Variants in UGP2 observed in about 807,000 individuals in gnomAD.
UGP2 encodes UTP--glucose-1-phosphate uridylyltransferase.
UGP2 carries 40 observed loss-of-function variants against 49.0 expected under a neutral mutation model. The observed-to-expected ratio is 0.82, with a 90% CI of 0.63 to 1.06. The LOEUF is 1.06. Among genes scored for constraint, UGP2 ranks in the 50% least tolerant of loss-of-function variants. UGP2 has a pLI of 0.00. For synonymous variants in UGP2, 225 were observed against 213.0 expected (o/e 1.06, Z -0.49); for missense variants, 460 against 603.5 (o/e 0.76, Z 2.49).
chr2:63,854,087 G>A (rs182196593), intron 1 of UGP2, among the ~76,000 whole-genome samples: 1 of 152,304 alleles, frequency 6.6e-6, no homozygotes, highest in East Asian at 1.9e-4. Context: ...AGGTATTTCT[G>A]CCTCACTGTG....
At chr2:63,873,151 C>G (rs1378265730) in intron 3 of UGP2, among the ~76,000 whole-genome samples, 1 of 152,188 alleles carries the variant, frequency 6.6e-6, no homozygotes, top group East Asian at 1.9e-4. Context: ...CTGCATACAA[C>G]TAACAGAACA....
rs1269158844 is a variant in UGP2 at position 63,888,064 on chromosome 2, G to A, written c.1314+420G>A. On this transcript the variant is annotated intron_variant, in intron 8 of 9. Coordinates refer to ENST00000337130, the MANE Select transcript of UGP2 (RefSeq NM_006759.4). ...ATTGACATTCTAGTGGGGAAAGGATGATAAGTAAGTAAATGTATGATATAC... is the reference window on the plus strand; with the variant it reads ...ATTGACATTCTAGTGGGGAAAGGATAATAAGTAAGTAAATGTATGATATAC... 1.8e-5 allele frequency: 3 copies of A among 163,324 alleles called. No individual in the cohort carries two copies. In the South Asian group the frequency reaches 4.8e-4, roughly 26 times the overall value. The allele number at this position is 163,324 out of a possible 1,614,324, so 10.1% of individuals were successfully genotyped here.
At chr2:63,884,158 T>C (rs996594988) in intron 5 of UGP2, 65 bp downstream of exon 5, 3 of 1,579,372 alleles carry the variant, frequency 1.9e-6, no homozygotes, top group Admixed American at 3.6e-5. Flanking sequence ...TTATCTTGTT[T>C]ATAACAGAGC....
chr2:63,861,549 A>G (rs932275300), intron 3 of UGP2, among the ~76,000 whole-genome samples: 1 of 151,438 alleles, frequency 6.6e-6, no homozygotes, highest in African/African-American at 2.4e-5. Flanking sequence ...TTAGCTGTGC[A>G]TGGTGGCATC....
At chr2:63,876,674 G>GC (rs1250258445) in intron 3 of UGP2, among the ~76,000 whole-genome samples, 1 of 152,174 alleles carries the variant, frequency 6.6e-6, no homozygotes, top group Non-Finnish European at 1.5e-5. Context: ...GCGGCTTTCT[G>GC]CCCCCTTAAC....
rs148803917 is a variant in UGP2 at position 63,857,737 on chromosome 2, G to T, written c.148-92G>T. On this transcript the variant is annotated intron_variant, in intron 2 of 9. Transcript: ENST00000337130. ...TAATGGTGTAAGAATTTCATTTAAC[G>T]ATATTTTAAATGTGTAACTTGTATC... The T allele has an allele frequency of 6.6e-4, 832 of 1,263,754 alleles. 12 individuals carry two copies. In the African/African-American group the frequency reaches 0.011, roughly 17 times the overall value. 78.3% of individuals were successfully genotyped at this position (1,263,754 alleles called of 1,614,324 possible).
intron 1 of UGP2, among the ~76,000 whole-genome samples, chr2:63,845,697 C>A (rs941232430): frequency 1.3e-5 from 2 of 152,094 alleles, no homozygotes; most frequent in African/African-American, 4.8e-5. Context: ...ATTAGGATTT[C>A]TGGCATATCC....
chr2:63,875,793 C>G (rs539181377), intron 3 of UGP2, among the ~76,000 whole-genome samples: 6 of 152,294 alleles, frequency 3.9e-5, no homozygotes, highest in African/African-American at 1.4e-4. Context: ...TATGGAGTTT[C>G]CCTCCTGTCT....
intron 3 of UGP2, among the ~76,000 whole-genome samples, chr2:63,875,233 A>G (rs1355415388): frequency 2.0e-5 from 3 of 152,214 alleles, no homozygotes; most frequent in Admixed American, 2.0e-4. Context: ...ATGGAGTGGC[A>G]TTCCTAATTC....
At chr2:63,887,891 T>G in intron 8 of UGP2, 1 of 472,818 alleles carries the variant, frequency 2.1e-6, no homozygotes, top group South Asian at 2.5e-5. Context: ...CTTCTGTCTC[T>G]TCCAAGACCA....
chr2:63,865,736 G>T (rs1356346866), intron 3 of UGP2, among the ~76,000 whole-genome samples: 1 of 151,728 alleles, frequency 6.6e-6, no homozygotes, highest in Non-Finnish European at 1.5e-5. Flanking sequence ...ACAAGGTCTC[G>T]CTGTGTTACC....
chr2:63,868,249 C>A (rs906534305), intron 3 of UGP2, among the ~76,000 whole-genome samples: 3 of 152,092 alleles, frequency 2.0e-5, no homozygotes, highest in African/African-American at 7.2e-5. Flanking sequence ...GTTTAGTGGG[C>A]CAAGGAGGCT....
upstream of UGP2, among the ~76,000 whole-genome samples, chr2:63,841,406 C>T (rs1455723500): frequency 6.6e-6 from 1 of 152,018 alleles, no homozygotes; most frequent in African/African-American, 2.4e-5. Context: ...TCGGTGCCCT[C>T]CCTTGGGACT....
At chr2:63,858,884 C>T (rs1669637214) in intron 3 of UGP2, among the ~76,000 whole-genome samples, 1 of 122,238 alleles carries the variant, frequency 8.2e-6, no homozygotes, top group Non-Finnish European at 1.6e-5. Context: ...TCCCACACCC[C>T]CCCGCCCCCC....
rs78573846 is a variant in UGP2 at position 63,842,143 on chromosome 2, GA to G, written c.-28del. On this transcript the variant is annotated 5_prime_UTR_variant, in exon 1 of 10. Coordinates refer to ENST00000337130, the MANE Select transcript of UGP2 (RefSeq NM_006759.4). The stretch of plus-strand genomic sequence containing the variant: ...CCTGCCCTGTAGCGTGACTCCTCTA[GA>G]AAAAAAAAAAAAAAGCCGGAGTATT... The G allele has an allele frequency of 0.15, 193,558 of 1,273,294 alleles. 266 individuals are homozygous for G. The highest frequency in any genetic ancestry group is 0.2 in the South Asian group (14,105 of 70,064). 78.9% of individuals were successfully genotyped at this position (1,273,294 alleles called of 1,614,324 possible).
At chr2:63,884,175 A>C (rs187326343) in intron 5 of UGP2, 82 bp downstream of exon 5, 1 of 1,520,014 alleles carries the variant, frequency 6.6e-7, no homozygotes, top group Non-Finnish European at 8.9e-7. Context: ...GAGCAGTTTC[A>C]AGATGTACAG....
intron 3 of UGP2, among the ~76,000 whole-genome samples, chr2:63,873,905 C>T (rs1046506442): frequency 1.3e-5 from 2 of 152,322 alleles, no homozygotes; most frequent in African/African-American, 4.8e-5. Context: ...GCTTCTCTGT[C>T]TGGCTGCTCT....
chr2:63,852,131 A>G (rs199828342), intron 1 of UGP2, among the ~76,000 whole-genome samples: 1 of 94,892 alleles, frequency 1.1e-5, no homozygotes, highest in Non-Finnish European at 2.4e-5. Flanking sequence ...CCATCTCTGA[A>G]ACACAGGGCA....
At chr2:63,888,703 C>T (rs929476452) in intron 8 of UGP2, 1 of 152,200 alleles carries the variant, frequency 6.6e-6, no homozygotes, top group East Asian at 1.9e-4. Context: ...TGGGAAGAAA[C>T]CAGAATAGTT....
Sources: gnomAD v4.1 joint callset for allele counts (sites outside exome capture counted in the v4.1 genomes callset) on GRCh38, gnomAD v4.1.1 for gene constraint, MANE v1.5 for transcripts, NCBI Gene and HGNC (gene_info 2026-07-23, HGNC 2026-07-21) for gene names.